Variants in CELSR1 observed in about 807,000 individuals in gnomAD.
CELSR1 encodes cadherin EGF LAG seven-pass G-type receptor 1, also known as adhesion G protein-coupled receptor C1.
Under a neutral mutation model 249.1 loss-of-function variants are expected in CELSR1, and 110 were observed. That is an observed-to-expected ratio of 0.44 (90% CI 0.38 to 0.52). CELSR1 has a LOEUF of 0.52. CELSR1 is among the 20% of genes least tolerant of loss of function. CELSR1 has a pLI of 0.00. For synonymous variants in CELSR1, 2,113 were observed against 1,900.0 expected (o/e 1.11, Z -2.92); for missense variants, 4,109 against 4,296.4 (o/e 0.96, Z 1.22).
chr22:46,419,018 T>G (rs888680591), intron 5 of CELSR1, among the ~76,000 whole-genome samples: 1 of 151,976 alleles, frequency 6.6e-6, no homozygotes, highest in Non-Finnish European at 1.5e-5. Flanking sequence ...ATGATCCCCG[T>G]GGTAGTTAAT....
Position 46,398,504 on chromosome 22 carries a change from C to G in CELSR1, c.5526+20G>C, listed in dbSNP as rs893281454. The G allele has an allele frequency of 6.5e-7, 1 of 1,540,230 alleles. No homozygotes were observed. Among genetic ancestry groups the G allele is most frequent in the East Asian group, 2.3e-5 (1 of 44,208 alleles). ...CTGTGAGGGGCAGGCCTCCCCCCGCCCCCCACAACCCCCACGCACCTGCAT... is the reference window on the plus strand; with the variant it reads ...CTGTGAGGGGCAGGCCTCCCCCCGCGCCCCACAACCCCCACGCACCTGCAT... On this transcript the variant is annotated intron_variant, in intron 11 of 34. Transcript: ENST00000674500. This position sits in a 1 kb window ranked among gnomAD's most constrained non-coding sequence, Gnocchi z 7.2.
At chr22:46,453,131 G>T (rs2079905840) in intron 2 of CELSR1, among the ~76,000 whole-genome samples, 1 of 152,234 alleles carries the variant, frequency 6.6e-6, no homozygotes, top group Non-Finnish European at 1.5e-5. Context: ...TGGGGCCAGG[G>T]TCTGGCCATG....
At chr22:46,492,758 C>T (rs1487197379) in intron 1 of CELSR1, among the ~76,000 whole-genome samples, 3 of 151,530 alleles carry the variant, frequency 2.0e-5, no homozygotes, top group Admixed American at 6.6e-5. Context: ...CGTGCTCGGC[C>T]GAAACCCAGG....
intron 1 of CELSR1, among the ~76,000 whole-genome samples, chr22:46,519,671 A>G (rs561222377): frequency 4.6e-5 from 7 of 152,290 alleles, no homozygotes; most frequent in South Asian, 4.1e-4. Context: ...CTGAGATGCA[A>G]GGTCCCAGAA....
At chr22:46,478,882 C>CACA (rs2080238126) in intron 1 of CELSR1, among the ~76,000 whole-genome samples, 1 of 151,940 alleles carries the variant, frequency 6.6e-6, no homozygotes, top group Non-Finnish European at 1.5e-5. Context: ...AACACAGCAA[C>CACA]GAGCCCAACC....
intron 2 of CELSR1, among the ~76,000 whole-genome samples, chr22:46,455,746 C>A (rs557376539): frequency 1.2e-4 from 19 of 152,178 alleles, no homozygotes; most frequent in Non-Finnish European, 1.3e-4. Context: ...TGCCTGCACA[C>A]GCCGCACAGG....
intron 1 of CELSR1, among the ~76,000 whole-genome samples, chr22:46,529,055 G>A (rs926856613): frequency 6.6e-6 from 1 of 151,716 alleles, no homozygotes; most frequent in Non-Finnish European, 1.5e-5. Context: ...CACGAGGTCA[G>A]GAGATCGACA....
chr22:46,458,159 T>A (rs1021905534), intron 2 of CELSR1, among the ~76,000 whole-genome samples: 1 of 151,636 alleles, frequency 6.6e-6, no homozygotes, highest in Non-Finnish European at 1.5e-5. Context: ...TGGGGGAAGG[T>A]GCGCTGGAGG....
chr22:46,363,680 T>G lies in CELSR1; in HGVS notation c.9035+316A>C, dbSNP rs2078731214. ...TCCTCAACTGCAAGGTGGGTGGCAG[T>G]GGTCCCAGGCGGAGACAATGCTGAT... On this transcript the variant is annotated intron_variant, in intron 34 of 34. Coordinates refer to ENST00000674500, the MANE Select transcript of CELSR1 (RefSeq NM_001378328.1). The surrounding 1 kb of genome is among the most constrained non-coding windows in gnomAD (Gnocchi z 4.3). 1 of 415,404 alleles carries G rather than the reference T, an allele frequency of 2.4e-6. No homozygotes were observed. Among genetic ancestry groups the G allele is most frequent in the Non-Finnish European group, 4.3e-6 (1 of 232,086 alleles). The allele number at this position is 415,404 out of a possible 1,614,324, so 25.7% of individuals were successfully genotyped here.
intron 2 of CELSR1, among the ~76,000 whole-genome samples, chr22:46,460,959 T>TC (rs60184506): frequency 1.2e-4 from 19 of 152,264 alleles, no homozygotes; most frequent in African/African-American, 4.6e-4. Context: ...GCTCCTGCTG[T>TC]CTCCTGTCCC....
At position 46,468,333 on chromosome 22, in the gene CELSR1, C is replaced by T. The variant is rs2080119605; in HGVS notation, c.3545-3988G>A. Among the ~76,000 whole-genome samples the T allele has an allele frequency of 6.7e-6, 1 of 150,004 alleles. No homozygotes were observed. Among genetic ancestry groups the T allele is most frequent in the Non-Finnish European group, 1.5e-5 (1 of 67,814 alleles). On this transcript the variant is annotated intron_variant, in intron 1 of 34. Coordinates refer to ENST00000674500, the MANE Select transcript of CELSR1 (RefSeq NM_001378328.1). The surrounding 1 kb of genome is among the most constrained non-coding windows in gnomAD (Gnocchi z 4.5). ...CCCAAGAGGTGGAGGTTGTGGTGAG[C>T]CAAGATCATACCACTGCACTCCAGC...
chr22:46,371,138 C>T (rs1020307322), intron 25 of CELSR1, among the ~76,000 whole-genome samples: 2 of 152,196 alleles, frequency 1.3e-5, no homozygotes, highest in Admixed American at 1.3e-4. Flanking sequence ...CCAACCTGCC[C>T]CCACCTCAGT....
At chr22:46,493,404 G>T (rs982834953) in intron 1 of CELSR1, among the ~76,000 whole-genome samples, 2 of 151,940 alleles carry the variant, frequency 1.3e-5, no homozygotes, top group Non-Finnish European at 2.9e-5. Context: ...AAATTAGCTG[G>T]GTGTGGTGGT....
chr22:46,421,965 C>T (rs532037179), intron 5 of CELSR1, among the ~76,000 whole-genome samples: 2 of 152,338 alleles, frequency 1.3e-5, no homozygotes, highest in African/African-American at 4.8e-5. Context: ...CCAACAAGGC[C>T]CTGAGGGCAA....
At position 46,448,156 on chromosome 22, in the gene CELSR1, C is replaced by A. The variant is rs560511622; in HGVS notation, c.4184-8745G>T. On this transcript the variant is annotated intron_variant, in intron 2 of 34. Coordinates refer to ENST00000674500, the MANE Select transcript of CELSR1 (RefSeq NM_001378328.1). This position sits in a 1 kb window ranked among gnomAD's most constrained non-coding sequence, Gnocchi z 5.7. ...CAGCAAACGGCTTACCTGCTGCAGG[C>A]GGGGGCTGGGTGCTGGGTGTGCTCC... Among the ~76,000 whole-genome samples the A allele has an allele frequency of 1.3e-5, 2 of 152,156 alleles. No individual in the cohort carries two copies. The highest frequency in any genetic ancestry group is 2.9e-5 in the Non-Finnish European group (2 of 68,020).
rs1313114693 is a variant in CELSR1 at position 46,440,972 on chromosome 22, G to T, written c.4184-1561C>A. Among the ~76,000 whole-genome samples the T allele has an allele frequency of 6.6e-6, 1 of 152,054 alleles. No homozygotes were observed. The highest frequency in any genetic ancestry group is 1.5e-5 in the Non-Finnish European group (1 of 68,004). The stretch of plus-strand genomic sequence containing the variant: ...GTTGAAGACCAGCCTGGCCAACATG[G>T]TGAAACCCCGTCTCTACTAAAAATA... On this transcript the variant is annotated intron_variant, in intron 2 of 34. Coordinates refer to ENST00000674500, the MANE Select transcript of CELSR1 (RefSeq NM_001378328.1). The surrounding 1 kb of genome is among the most constrained non-coding windows in gnomAD (Gnocchi z 4.7).
rs542358385 is a variant in CELSR1, at chr22:46,364,563, T to G, written c.8728A>C (p.Ser2910Arg). 6.3e-5 allele frequency: 101 copies of G among 1,612,344 alleles called. 2 individuals carry two copies. The South Asian group carries it at 1.1e-3, about 17-fold the overall frequency. The change falls in exon 33 of 35, where the codon AGC becomes CGC. Residue 2910 changes from serine to arginine, a missense_variant. This residue lies in a region of CELSR1 where 1,805 missense variants were observed against 1,831.6 expected (regional missense o/e 0.99). Coordinates refer to ENST00000674500, the MANE Select transcript of CELSR1 (RefSeq NM_001378328.1). Reference sequence around the variant, plus strand: ...CTAGCAAGCCTGGCTGCGCCCCCGCTCTCCTGGTCCGGGGGGTACTCTCCA... The same window carrying G: ...CTAGCAAGCCTGGCTGCGCCCCCGCGCTCCTGGTCCGGGGGGTACTCTCCA... ...HRGEYPPDQESGGAARLASSQ... is the reference protein window; with the variant it reads ...HRGEYPPDQERGGAARLASSQ...
chr22:46,479,002 A>G (rs2080239297), intron 1 of CELSR1, among the ~76,000 whole-genome samples: 1 of 151,776 alleles, frequency 6.6e-6, no homozygotes, highest in Non-Finnish European at 1.5e-5. Context: ...TCCAGGCTCC[A>G]GGTCTAAAAG....
At chr22:46,366,954 C>T (rs748473596) in intron 29 of CELSR1, 39 bp downstream of exon 29, 3 of 1,589,270 alleles carry the variant, frequency 1.9e-6, no homozygotes, top group Non-Finnish European at 2.6e-6. Flanking sequence ...CGAGATGCCG[C>T]CCAGCCCCCA....
Sources: allele counts gnomAD v4.1 joint callset (sites outside exome capture counted in the v4.1 genomes callset), GRCh38; gene constraint gnomAD v4.1.1; regional missense constraint gnomAD v4.1.1; non-coding constraint Gnocchi (gnomAD v3.1); transcripts MANE v1.5; gene names NCBI Gene and HGNC (gene_info 2026-07-23, HGNC 2026-07-21).